The following WRN variants were observed in gnomAD, a reference collection of about 807,000 sequenced individuals.
The protein encoded by WRN is WRN RecQ like helicase.
A neutral mutation model predicts 180.7 loss-of-function variants in WRN; 149 were observed. The ratio of observed to expected loss-of-function variants is 0.82; its 90% CI spans 0.72 to 0.94. WRN has a LOEUF of 0.94. Ranked by LOEUF, WRN falls within the 40% of genes least tolerant of loss-of-function variation. WRN has a pLI of 0.00. For synonymous variants in WRN, 548 were observed against 568.9 expected, an observed-to-expected ratio of 0.96 and a Z score of 0.52; for missense variants, 1,661 against 1,700.1, an observed-to-expected ratio of 0.98 and a Z score of 0.40.
chr8:31,108,835 G>C (rs1801194370), intron 18 of WRN, among the ~76,000 whole-genome samples: 1 of 152,120 alleles, frequency 6.6e-6, no homozygotes. Context: ...AAGGCAGGAA[G>C]GGAAAGGAGA....
At chr8:31,112,304 T>A in intron 19 of WRN, among the ~76,000 whole-genome samples, 1 of 152,164 alleles carries the variant, frequency 6.6e-6, no homozygotes, top group East Asian at 1.9e-4. Flanking sequence ...TTCATCTGAA[T>A]TCTGTCTAGT....
rs1207927901 is a variant in WRN, at chr8:31,087,520, C to T, written c.1432-256C>T. ...AATTTAAAATTTATGATAGCTTTCC[C>T]CAGGGGCAGTTTATTATATGCTATT... On this transcript the variant is annotated intron_variant, in intron 11 of 34. Transcript: ENST00000298139. 6 of 364,642 alleles carry T rather than the reference C, an allele frequency of 1.6e-5. No homozygotes were observed. In the East Asian group the frequency reaches 3.0e-4, roughly 18 times the overall value. The allele number at this position is 364,642 out of a possible 1,614,324, so 22.6% of individuals were successfully genotyped here.
Position 31,152,273 on chromosome 8 carries a change from G to A in WRN, c.3687+1818G>A, listed in dbSNP as rs1283897424. 4.6e-5 allele frequency among the ~76,000 whole-genome samples: 7 copies of A among 151,660 alleles called. No individual in the cohort carries two copies. The East Asian group carries it at 1.4e-3, about 29-fold the overall frequency. On this transcript the variant is annotated intron_variant, in intron 31 of 34. Coordinates refer to ENST00000298139, the MANE Select transcript of WRN (RefSeq NM_000553.6). The stretch of plus-strand genomic sequence containing the variant: ...GTGAACCTGGGAGGCGGAGCTTGGA[G>A]TAAGCCGAGATCGTGCCACTGCACT...
chr8:31,110,159 A>G (rs1563356847), intron 18 of WRN, among the ~76,000 whole-genome samples: 1 of 151,920 alleles, frequency 6.6e-6, no homozygotes, highest in South Asian at 2.1e-4. Context: ...TAATTTTTAA[A>G]CCTCCCTTAT....
At position 31,068,287 on chromosome 8, in the gene WRN, G is replaced by T. The variant is rs1415117984; in HGVS notation, c.684G>T (p.Glu228Asp). 1.9e-6 allele frequency: 3 copies of T among 1,608,974 alleles called. No homozygotes were observed. The highest frequency in any genetic ancestry group is 1.1e-5 in the South Asian group (1 of 90,670). The change falls in exon 7 of 35, where the codon GAG becomes GAT. Residue 228 changes from glutamate (E) to aspartate (D), a missense_variant. Glu to Asp is a conservative substitution (Grantham distance 45). Coordinates refer to ENST00000298139, the MANE Select transcript of WRN (RefSeq NM_000553.6). ...YAGFIIYRNLEILDDTVQRFA... is the reference protein window; with the variant it reads ...YAGFIIYRNLDILDDTVQRFA... ...GTTTTATTATTTACCGAAATTTAGA[G>T]ATTTTGGATGATACTGTGCAAAGGT...
At chr8:31,056,331 T>G (rs1337557103) in intron 1 of WRN, among the ~76,000 whole-genome samples, 2 of 152,220 alleles carry the variant, frequency 1.3e-5, no homozygotes, top group Non-Finnish European at 2.9e-5. Context: ...CTGATTTTAC[T>G]TATATAATCT....
intron 1 of WRN, 122 bp from the exon 2 acceptor site, chr8:31,058,250 A>G (rs891131932): frequency 1.6e-5 from 9 of 557,352 alleles, no homozygotes; most frequent in Non-Finnish European, 2.9e-5. Flanking sequence ...TAGATGCAGC[A>G]TATTGTATCT....
chr8:31,169,206 T>A (rs545960915), intron 34 of WRN, among the ~76,000 whole-genome samples: 4 of 151,758 alleles, frequency 2.6e-5, no homozygotes, highest in Admixed American at 2.6e-4. Flanking sequence ...TCTCTTTAAA[T>A]TTTTTTCTTC....
chr8:31,165,096 T>A (rs1390339866), intron 33 of WRN, among the ~76,000 whole-genome samples: 1 of 152,102 alleles, frequency 6.6e-6, no homozygotes, highest in African/African-American at 2.4e-5. Context: ...CATCATTTTA[T>A]GAACAAAAGA....
chr8:31,133,431 A>G (rs1036454599), intron 24 of WRN, among the ~76,000 whole-genome samples: 2 of 152,188 alleles, frequency 1.3e-5, no homozygotes, highest in Non-Finnish European at 2.9e-5. Flanking sequence ...AGGCTGAGGC[A>G]GGAGAATGGC....
At chr8:31,038,029 G>C (rs959168197) in intron 1 of WRN, among the ~76,000 whole-genome samples, 49 of 151,166 alleles carry the variant, frequency 3.2e-4, no homozygotes, top group Non-Finnish European at 7.1e-4. Context: ...CCACCTTTTG[G>C]CTATTGTGAA....
intron 33 of WRN, among the ~76,000 whole-genome samples, chr8:31,162,470 G>A (rs1803668349): frequency 6.6e-6 from 1 of 151,930 alleles, no homozygotes. Flanking sequence ...GCCTTCTTCT[G>A]GACACCTCCA....
intron 7 of WRN, 146 bp downstream of exon 7, chr8:31,068,473 C>T: frequency 1.5e-6 from 1 of 670,918 alleles, no homozygotes; most frequent in South Asian, 1.8e-5. Context: ...TGGGATCCAT[C>T]AGGGCCCAAG....
intron 23 of WRN, chr8:31,131,816 C>A: frequency 6.3e-6 from 1 of 158,026 alleles, no homozygotes; most frequent in East Asian, 1.7e-4. Flanking sequence ...TTTGTGGACC[C>A]TGGTGAGTGT....
intron 15 of WRN, among the ~76,000 whole-genome samples, chr8:31,091,364 G>T (rs2130176270): frequency 6.6e-6 from 1 of 152,112 alleles, no homozygotes; most frequent in East Asian, 1.9e-4. Context: ...TATTCATGGG[G>T]TACTGTAGTA....
intron 1 of WRN, among the ~76,000 whole-genome samples, chr8:31,045,599 A>G (rs1029264323): frequency 1.1e-4 from 16 of 151,992 alleles, no homozygotes; most frequent in African/African-American, 3.6e-4. Flanking sequence ...ATGGGGTTTC[A>G]CCATGTTGGC....
At chr8:31,037,070 C>T (rs1811477193) in intron 1 of WRN, among the ~76,000 whole-genome samples, 1 of 152,160 alleles carries the variant, frequency 6.6e-6, no homozygotes, top group East Asian at 1.9e-4. Flanking sequence ...ATTATTATTA[C>T]ATTGTAATAT....
At chr8:31,100,608 C>G (rs1814184334) in intron 17 of WRN, among the ~76,000 whole-genome samples, 1 of 152,146 alleles carries the variant, frequency 6.6e-6, no homozygotes. Flanking sequence ...CAATAAATGT[C>G]TTGTTTGGAT....
chr8:31,102,844 T>C, intron 18 of WRN, among the ~76,000 whole-genome samples: 1 of 152,182 alleles, frequency 6.6e-6, no homozygotes, highest in Non-Finnish European at 1.5e-5. Context: ...AATAATAAAT[T>C]AATCTCAGTT....
Sources: allele counts gnomAD v4.1 joint callset (sites outside exome capture counted in the v4.1 genomes callset), GRCh38; gene constraint gnomAD v4.1.1; transcripts MANE v1.5; gene names NCBI Gene and HGNC (gene_info 2026-07-23, HGNC 2026-07-21).